SPINK9: variants seen among roughly 807,000 people sequenced by gnomAD.
SPINK9 encodes the protein serine protease inhibitor Kazal-type 9.
A neutral mutation model predicts 10.8 loss-of-function variants in SPINK9; 3 were observed. The observed-to-expected ratio is 0.28, with a 90% confidence interval of 0.13 to 0.72. SPINK9 has a LOEUF of 0.72. Ranked by LOEUF, SPINK9 falls within the 30% of genes least tolerant of loss-of-function variation. The pLI, the probability that SPINK9 is intolerant of heterozygous loss-of-function variation, is 0.74. For missense variants in SPINK9, 101 were observed against 103.2 expected (o/e 0.98, Z 0.09); for synonymous variants, 30 against 31.2 (o/e 0.96, Z 0.12).
At chr5:148,330,887 CA>C (rs1757139612), upstream of SPINK9, among the ~76,000 whole-genome samples, 1 of 152,186 alleles carries the variant, frequency 6.6e-6, no homozygotes, top group African/African-American at 2.4e-5. Context: ...CCCTCCGAGC[CA>C]TGTGCAGGAT....
chr5:148,323,849 G>A (rs764389696), exon 2 of SPINK9: 41 of 700,434 alleles, frequency 5.9e-5, no homozygotes, highest in Admixed American at 8.0e-5. Context: ...TGGGCTTAAC[G>A]CAACCTGAAC....
intron 2 of SPINK9, among the ~76,000 whole-genome samples, chr5:148,337,211 A>G (rs1397833620): frequency 1.3e-5 from 2 of 151,978 alleles, no homozygotes; most frequent in African/African-American, 2.4e-5. Context: ...TATCACATAA[A>G]CTCTGTCTCC....
In SPINK9 at chr5:148,338,612, A is replaced by C; in HGVS notation, c.215+7A>C. ...TCTTCTGTTCTAAAGTTAAGTAAGT[A>C]TTAAAATGTTTTCTTTTTCATATTT... is the stretch of plus-strand genomic sequence containing the variant. On this transcript the variant is annotated splice_region_variant and intron_variant, in intron 3 of 3. Transcript: ENST00000377906. 1 of 1,556,354 alleles carries C rather than the reference A, an allele frequency of 6.4e-7. No individual in the cohort carries two copies.
chr5:148,328,302 CTGTT>C (rs772893717), intron 2 of SPINK9, among the ~76,000 whole-genome samples: 2 of 151,950 alleles, frequency 1.3e-5, no homozygotes, highest in African/African-American at 2.4e-5. Context: ...ATTTGGCTCT[CTGTT>C]TGTTACTGGT....
exon 2 of SPINK9, chr5:148,323,762 G>T: frequency 1.4e-6 from 1 of 699,914 alleles, no homozygotes. Flanking sequence ...TGGTCTTTAT[G>T]AATCCTTCTC....
chr5:148,337,991 A>T (rs938518849), intron 2 of SPINK9, among the ~76,000 whole-genome samples: 1 of 152,182 alleles, frequency 6.6e-6, no homozygotes, highest in Non-Finnish European at 1.5e-5. Flanking sequence ...TATAACAAGT[A>T]AATTGTTACC....
intron 2 of SPINK9, among the ~76,000 whole-genome samples, chr5:148,326,619 T>A (rs1220114397): frequency 6.6e-6 from 1 of 152,164 alleles, no homozygotes; most frequent in Non-Finnish European, 1.5e-5. Flanking sequence ...ACCCATTAAC[T>A]CGTCATTTAG....
chr5:148,329,563 G>A (rs551589991), intron 2 of SPINK9, among the ~76,000 whole-genome samples: 1 of 152,074 alleles, frequency 6.6e-6, no homozygotes, highest in Non-Finnish European at 1.5e-5. Context: ...GAATGTGTTT[G>A]CTCTTGCTTC....
upstream of SPINK9, among the ~76,000 whole-genome samples, chr5:148,330,724 T>C (rs1757137468): frequency 6.6e-6 from 1 of 152,192 alleles, no homozygotes; most frequent in Admixed American, 6.5e-5. Context: ...CTCTCAGCAT[T>C]TGCTTGTCTG....
At chr5:148,331,576 G>A (rs1209666094), upstream of SPINK9, among the ~76,000 whole-genome samples, 2 of 152,128 alleles carry the variant, frequency 1.3e-5, no homozygotes, top group Non-Finnish European at 2.9e-5. Context: ...CATGAGTACT[G>A]TTAATAATAA....
upstream of SPINK9, among the ~76,000 whole-genome samples, chr5:148,332,721 T>G (rs1377663827): frequency 6.6e-6 from 1 of 152,188 alleles, no homozygotes; most frequent in African/African-American, 2.4e-5. Context: ...TCCACTAAAG[T>G]GAAGAGCTGG....
intron 2 of SPINK9, among the ~76,000 whole-genome samples, chr5:148,324,932 T>C (rs1757040322): frequency 6.6e-6 from 1 of 152,054 alleles, no homozygotes; most frequent in Non-Finnish European, 1.5e-5. Context: ...GTCACTCCTA[T>C]CTACCCCCCT....
upstream of SPINK9, among the ~76,000 whole-genome samples, chr5:148,333,054 G>A (rs372448007): frequency 1.1e-4 from 17 of 151,864 alleles, no homozygotes; most frequent in East Asian, 7.7e-4. Flanking sequence ...ATCACAGTCC[G>A]GATTTTGAAA....
chr5:148,337,956 T>C (rs1376658349), intron 2 of SPINK9, among the ~76,000 whole-genome samples: 1 of 152,168 alleles, frequency 6.6e-6, no homozygotes, highest in African/African-American at 2.4e-5. Flanking sequence ...TATTAAGATA[T>C]ATTCATCTAT....
upstream of SPINK9, among the ~76,000 whole-genome samples, chr5:148,333,436 G>A (rs1050753374): frequency 2.6e-5 from 4 of 152,168 alleles, no homozygotes; most frequent in Non-Finnish European, 5.9e-5. Flanking sequence ...AGTTAAACGG[G>A]GCTAGCCCAT....
intron 2 of SPINK9, among the ~76,000 whole-genome samples, chr5:148,337,244 G>A (rs1050586433): frequency 6.6e-6 from 1 of 152,108 alleles, no homozygotes; most frequent in South Asian, 2.1e-4. Flanking sequence ...CAGGCAAGAA[G>A]AGGAAGTGAA....
upstream of SPINK9, among the ~76,000 whole-genome samples, chr5:148,332,961 T>G (rs746140493): frequency 6.6e-6 from 1 of 152,190 alleles, no homozygotes; most frequent in African/African-American, 2.4e-5. Flanking sequence ...AATTTAAAGA[T>G]GAGTCTTAAA....
intron 1 of SPINK9, among the ~76,000 whole-genome samples, chr5:148,321,611 CCCTGATTTT>C (rs1316963898): frequency 5.9e-5 from 9 of 151,760 alleles, no homozygotes; most frequent in Admixed American, 1.3e-4. Context: ...CATTATGCCA[CCCTGATTTT>C]CAACATCAGT....
At chr5:148,335,807 C>T (rs1757210103) in intron 1 of SPINK9, 139 bp downstream of exon 1, 3 of 924,010 alleles carry the variant, frequency 3.2e-6, no homozygotes, top group African/African-American at 3.3e-5. Flanking sequence ...TTGCCTCAAC[C>T]AACGAATTGC....
Sources: gnomAD v4.1 joint callset for allele counts (sites outside exome capture counted in the v4.1 genomes callset) on GRCh38, gnomAD v4.1.1 for gene constraint, MANE v1.5 for transcripts, NCBI Gene and HGNC (gene_info 2026-07-23, HGNC 2026-07-21) for gene names.